CSMD1: variants seen among roughly 807,000 people sequenced by gnomAD.
The protein encoded by CSMD1 is CUB and sushi domain-containing protein 1.
CSMD1 carries 213 observed loss-of-function variants against 417.5 expected under a neutral mutation model. The observed-to-expected ratio is 0.51, with a 90% CI of 0.46 to 0.57. The LOEUF (loss-of-function observed/expected upper bound fraction) is 0.57, where lower values mean the gene tolerates loss of function less well. Among genes scored for constraint, CSMD1 ranks in the 20% least tolerant of loss-of-function variants. CSMD1 has a pLI of 0.00. For missense variants in CSMD1, 6,923 were observed against 4,529.7 expected, an observed-to-expected ratio of 1.53 and a Z score of -15.17; for synonymous variants, 2,862 against 1,736.8, an observed-to-expected ratio of 1.65 and a Z score of -16.11.
At chr8:4,526,405 T>A (rs1009794820) in intron 2 of CSMD1, among the ~76,000 whole-genome samples, 1 of 152,260 alleles carries the variant, frequency 6.6e-6, no homozygotes, top group Non-Finnish European at 1.5e-5. Context: ...ATCTTACTTA[T>A]GTATGCCCAA....
intron 41 of CSMD1, among the ~76,000 whole-genome samples, chr8:3,123,905 G>A (rs963194440): frequency 6.6e-6 from 1 of 152,090 alleles, no homozygotes; most frequent in Admixed American, 6.5e-5. Context: ...TAGTCTTTCG[G>A]GTGACTTAAG....
At chr8:4,401,637 C>T (rs564962178) in intron 3 of CSMD1, among the ~76,000 whole-genome samples, 18 of 152,222 alleles carry the variant, frequency 1.2e-4, no homozygotes, top group African/African-American at 2.9e-4. Context: ...GATTCTGTGT[C>T]GTACCCGACC....
chr8:3,923,333 C>T (rs775801376), intron 5 of CSMD1, among the ~76,000 whole-genome samples: 8 of 152,178 alleles, frequency 5.3e-5, no homozygotes, highest in Non-Finnish European at 7.3e-5. Context: ...TATACACATA[C>T]ATCCACATAC....
chr8:4,207,518 C>A (rs1039973923), intron 3 of CSMD1, among the ~76,000 whole-genome samples: 1 of 152,012 alleles, frequency 6.6e-6, no homozygotes, highest in South Asian at 2.1e-4. Context: ...ATTTCTTAAA[C>A]TGAAGTTTTA....
chr8:4,302,955 A>T (rs1433545088), intron 3 of CSMD1, among the ~76,000 whole-genome samples: 1 of 152,136 alleles, frequency 6.6e-6, no homozygotes, highest in East Asian at 1.9e-4. Flanking sequence ...TTTATGCATG[A>T]AACTGTGACC....
intron 5 of CSMD1, among the ~76,000 whole-genome samples, chr8:3,942,356 G>A (rs928657083): frequency 1.3e-5 from 2 of 152,114 alleles, no homozygotes; most frequent in Non-Finnish European, 2.9e-5. Context: ...GCGCCAAAAT[G>A]GTAGAGGACG....
intron 3 of CSMD1, among the ~76,000 whole-genome samples, chr8:4,246,639 C>T (rs2128827198): frequency 6.6e-6 from 1 of 152,230 alleles, no homozygotes; most frequent in Admixed American, 6.5e-5. Flanking sequence ...TGAATTTCTG[C>T]AAATGCTGAG....
intron 1 of CSMD1, among the ~76,000 whole-genome samples, chr8:4,927,930 C>T (rs1259244035): frequency 6.6e-6 from 1 of 152,172 alleles, no homozygotes; most frequent in African/African-American, 2.4e-5. Flanking sequence ...AAATCATTTT[C>T]TAAGTGTTTT....
intron 5 of CSMD1, among the ~76,000 whole-genome samples, chr8:3,777,649 C>T (rs1055327416): frequency 2.6e-5 from 4 of 152,234 alleles, no homozygotes; most frequent in African/African-American, 9.6e-5. Context: ...AAGAACTCCT[C>T]CAAGGAGCCT....
chr8:4,536,663 GTTAT>G (rs1319948008), intron 2 of CSMD1, among the ~76,000 whole-genome samples: 1 of 152,100 alleles, frequency 6.6e-6, no homozygotes, highest in Non-Finnish European at 1.5e-5. Flanking sequence ...TTTGTACTTT[GTTAT>G]TTATTTATAC....
intron 5 of CSMD1, among the ~76,000 whole-genome samples, chr8:3,878,061 G>A (rs185106144): frequency 6.6e-6 from 1 of 151,874 alleles, no homozygotes; most frequent in Admixed American, 6.6e-5. Context: ...TATTCATGCT[G>A]GGTGGTCATG....
intron 49 of CSMD1, among the ~76,000 whole-genome samples, chr8:3,085,021 A>C (rs1814420394): frequency 1.3e-5 from 2 of 152,132 alleles, no homozygotes; most frequent in Admixed American, 1.3e-4. Flanking sequence ...TTGCACAGGA[A>C]ATGAATTTAA....
rs530319684 is a variant in CSMD1 at position 4,417,718 on chromosome 8, G to A, written c.415+2235C>T. Among the ~76,000 whole-genome samples the A allele has an allele frequency of 5.3e-5, 8 of 152,070 alleles. No individual in the cohort carries two copies. The East Asian group carries it at 1.5e-3, about 29-fold the overall frequency. On this transcript the variant is annotated intron_variant, in intron 3 of 69. Transcript: ENST00000635120. ...GGAAAAGAGGAAATCTGAGGTATCAGAAAGAGAATTTTGTGACTCTAAATC... is the reference window on the plus strand; with the variant it reads ...GGAAAAGAGGAAATCTGAGGTATCAAAAAGAGAATTTTGTGACTCTAAATC...
chr8:4,438,119 C>A lies in CSMD1; in HGVS notation c.303-18054G>T, dbSNP rs1300759714. ...TTCCTGCTGTTTCTAGCACACTACG[C>A]TGCACTCAGAAAAGAATTGAGTGTG... On this transcript the variant is annotated intron_variant, in intron 2 of 69. Transcript: ENST00000635120. 3.3e-5 allele frequency among the ~76,000 whole-genome samples: 5 copies of A among 152,286 alleles called. No homozygotes were observed. The South Asian group carries it at 8.3e-4, about 25-fold the overall frequency.
chr8:3,210,687 T>C (rs1285935600), intron 30 of CSMD1, among the ~76,000 whole-genome samples: 1 of 149,408 alleles, frequency 6.7e-6, no homozygotes, highest in Non-Finnish European at 1.5e-5. Flanking sequence ...CACCTATATA[T>C]GTATATACAC....
intron 3 of CSMD1, among the ~76,000 whole-genome samples, chr8:4,343,822 C>T (rs1318294364): frequency 2.6e-5 from 4 of 152,128 alleles, no homozygotes; most frequent in African/African-American, 9.7e-5. Context: ...TGATGAGACA[C>T]TACCACTTCA....
At chr8:3,639,858 T>A (rs1797221917) in intron 7 of CSMD1, among the ~76,000 whole-genome samples, 1 of 152,336 alleles carries the variant, frequency 6.6e-6, no homozygotes, top group African/African-American at 2.4e-5. Context: ...TTTTATCAGC[T>A]GGAAAAATAT....
chr8:3,063,247 A>G (rs1359950159), intron 49 of CSMD1, among the ~76,000 whole-genome samples: 6 of 152,226 alleles, frequency 3.9e-5, no homozygotes, highest in Non-Finnish European at 8.8e-5. Flanking sequence ...GCCCAGAAGC[A>G]CATGTTGTCT....
chr8:4,291,400 T>C (rs1474038614), intron 3 of CSMD1, among the ~76,000 whole-genome samples: 2 of 152,070 alleles, frequency 1.3e-5, no homozygotes, highest in Non-Finnish European at 2.9e-5. Context: ...GTAAAGTAAA[T>C]CTCCATAATT....
Sources: allele counts gnomAD v4.1 joint callset (sites outside exome capture counted in the v4.1 genomes callset), GRCh38; gene constraint gnomAD v4.1.1; transcripts MANE v1.5; gene names NCBI Gene and HGNC (gene_info 2026-07-23, HGNC 2026-07-21).